PTPRN2: variants seen among roughly 807,000 people sequenced by gnomAD.
PTPRN2 encodes receptor-type tyrosine-protein phosphatase N2.
A neutral mutation model predicts 118.8 loss-of-function variants in PTPRN2; 74 were observed. That is an observed-to-expected ratio of 0.62 (90% CI 0.52 to 0.76). The LOEUF is 0.76. Among genes scored for constraint, PTPRN2 ranks in the 30% least tolerant of loss-of-function variants. PTPRN2 has a pLI of 0.00. For missense variants in PTPRN2, 1,481 were observed against 1,394.4 expected (o/e 1.06, Z -0.99); for synonymous variants, 641 against 608.0 (o/e 1.05, Z -0.80).
chr7:158,463,019 A>G (rs1378929874), intron 2 of PTPRN2, among the ~76,000 whole-genome samples: 1 of 6,956 alleles, frequency 1.4e-4, no homozygotes, highest in Non-Finnish European at 2.9e-4. Context: ...CATTAGTTTC[A>G]TGTTTCCCCA....
At chr7:158,156,471 G>A (rs776550814) in intron 6 of PTPRN2, among the ~76,000 whole-genome samples, 2 of 152,158 alleles carry the variant, frequency 1.3e-5, no homozygotes, top group Non-Finnish European at 2.9e-5. Context: ...GATGTCAGAG[G>A]GTTGGGACTT....
At chr7:158,291,406 T>C (rs12670099) in intron 3 of PTPRN2, among the ~76,000 whole-genome samples, 38,701 of 152,192 alleles carry the variant, frequency 0.25, 5,377 homozygotes, top group East Asian at 0.42. Context: ...ATATCATTTA[T>C]TGGAATTTAT....
At chr7:158,298,235 T>A (rs1800633745) in intron 3 of PTPRN2, among the ~76,000 whole-genome samples, 4 of 152,188 alleles carry the variant, frequency 2.6e-5, no homozygotes, top group South Asian at 4.1e-4. Context: ...TCTGCTCTTG[T>A]CTTCATTATT....
intron 2 of PTPRN2, among the ~76,000 whole-genome samples, chr7:158,363,338 T>A (rs1809160284): frequency 6.6e-6 from 1 of 152,076 alleles, no homozygotes; most frequent in African/African-American, 2.4e-5. Flanking sequence ...GGATGCTCGG[T>A]TGCTTGGGGA....
At chr7:157,759,906 G>C (rs1802029302) in intron 12 of PTPRN2, among the ~76,000 whole-genome samples, 1 of 152,150 alleles carries the variant, frequency 6.6e-6, no homozygotes, top group African/African-American at 2.4e-5. Flanking sequence ...CACTCACAGA[G>C]GCTCATCCTG....
At chr7:158,087,308 C>T (rs1813501112) in intron 10 of PTPRN2, among the ~76,000 whole-genome samples, 1 of 152,216 alleles carries the variant, frequency 6.6e-6, no homozygotes, top group African/African-American at 2.4e-5. Context: ...CTGTCTCTTT[C>T]CCGACCCTGG....
At chr7:158,326,978 CACAT>C (rs1237234423) in intron 2 of PTPRN2, among the ~76,000 whole-genome samples, 30 of 151,804 alleles carry the variant, frequency 2.0e-4, no homozygotes, top group East Asian at 5.8e-4. Context: ...CATTCACATG[CACAT>C]ACACATTCTC....
intron 21 of PTPRN2, 150 bp from the exon 22 acceptor site, chr7:157,549,169 A>AT (rs1387229977): frequency 2.8e-6 from 2 of 725,662 alleles, no homozygotes; most frequent in Non-Finnish European, 4.7e-6. Flanking sequence ...GGCGGCTGCA[A>AT]TTTCAGTGTT....
chr7:158,465,017 C>G (rs1218250248), intron 2 of PTPRN2, among the ~76,000 whole-genome samples: 3 of 152,174 alleles, frequency 2.0e-5, no homozygotes, highest in South Asian at 4.1e-4. Flanking sequence ...GATAACACAG[C>G]TAGTTACAGA....
At chr7:158,302,825 A>G (rs528281460) in intron 3 of PTPRN2, among the ~76,000 whole-genome samples, 2 of 152,298 alleles carry the variant, frequency 1.3e-5, no homozygotes, top group South Asian at 4.1e-4. Flanking sequence ...AAATACTAAG[A>G]CATACTTTGC....
intron 21 of PTPRN2, among the ~76,000 whole-genome samples, chr7:157,552,468 G>A (rs889207609): frequency 5.9e-5 from 9 of 152,148 alleles, no homozygotes; most frequent in East Asian, 3.9e-4. Flanking sequence ...TGACCTCAGC[G>A]AGATGCTGAC....
At chr7:158,138,773 T>A (rs1819086074) in intron 6 of PTPRN2, among the ~76,000 whole-genome samples, 1 of 152,178 alleles carries the variant, frequency 6.6e-6, no homozygotes, top group Non-Finnish European at 1.5e-5. Context: ...ATCCACGCGC[T>A]CAGGAGGATG....
chr7:158,045,286 A>T (rs1436568664), intron 11 of PTPRN2, among the ~76,000 whole-genome samples: 1 of 152,238 alleles, frequency 6.6e-6, no homozygotes, highest in African/African-American at 2.4e-5. Context: ...CTCTGTCGGG[A>T]AGCTCCAAAT....
chr7:157,649,016 T>C (rs1170417703), intron 14 of PTPRN2, among the ~76,000 whole-genome samples: 13 of 119,256 alleles, frequency 1.1e-4, no homozygotes, highest in African/African-American at 1.9e-4. Context: ...TCGGATCCAT[T>C]CACTGTGCAC....
chr7:157,636,669 C>T (rs1017103721), intron 14 of PTPRN2, among the ~76,000 whole-genome samples: 2 of 152,222 alleles, frequency 1.3e-5, no homozygotes, highest in Non-Finnish European at 2.9e-5. Flanking sequence ...CAGGTGTCTT[C>T]TTTATACCAG....
chr7:157,892,501 A>G (rs1796866391), intron 12 of PTPRN2, among the ~76,000 whole-genome samples: 1 of 152,162 alleles, frequency 6.6e-6, no homozygotes, highest in Non-Finnish European at 1.5e-5. Context: ...AGATATTTCC[A>G]TTTGGCTTAA....
chr7:157,568,404 T>G (rs1277887410), intron 21 of PTPRN2, among the ~76,000 whole-genome samples: 1 of 152,130 alleles, frequency 6.6e-6, no homozygotes, highest in Non-Finnish European at 1.5e-5. Context: ...AAAGGCTCAT[T>G]TGAGAGGGGG....
chr7:158,456,644 A>T, intron 2 of PTPRN2, among the ~76,000 whole-genome samples: 1 of 152,288 alleles, frequency 6.6e-6, no homozygotes, highest in African/African-American at 2.4e-5. Flanking sequence ...ATCACTCTGC[A>T]GTGGCTCATG....
chr7:157,966,509 A>G (rs111204859), intron 11 of PTPRN2, among the ~76,000 whole-genome samples: 14 of 151,864 alleles, frequency 9.2e-5, no homozygotes, highest in Admixed American at 3.3e-4. Context: ...CATCATCACC[A>G]TCATCTTCAT....
Sources: allele counts gnomAD v4.1 joint callset (sites outside exome capture counted in the v4.1 genomes callset), GRCh38; gene constraint gnomAD v4.1.1; transcripts MANE v1.5; gene names NCBI Gene and HGNC (gene_info 2026-07-23, HGNC 2026-07-21).